The following NRXN3 variants were observed in gnomAD, a reference collection of about 807,000 sequenced individuals.
The protein encoded by NRXN3 is neurexin III.
Under a neutral mutation model 137.6 loss-of-function variants are expected in NRXN3, and 32 were observed. The observed-to-expected ratio is 0.23, with a 90% CI of 0.18 to 0.31. NRXN3 has a LOEUF of 0.31. Ranked by LOEUF, NRXN3 falls within the 10% of genes least tolerant of loss-of-function variation. NRXN3 has a pLI of 1.00. For synonymous variants in NRXN3, 798 were observed against 784.5 expected (o/e 1.02, Z -0.29); for missense variants, 1,574 against 2,062.5 (o/e 0.76, Z 4.59).
intron 20 of NRXN3, among the ~76,000 whole-genome samples, chr14:79,859,082 T>C (rs2099409055): frequency 6.6e-6 from 1 of 152,054 alleles, no homozygotes; most frequent in Non-Finnish European, 1.5e-5. Context: ...TTTCAAACTC[T>C]GAGCACCAGA....
At chr14:78,838,650 C>T (rs934130687) in intron 10 of NRXN3, among the ~76,000 whole-genome samples, 1 of 152,186 alleles carries the variant, frequency 6.6e-6, no homozygotes, top group Non-Finnish European at 1.5e-5. Context: ...GACAATCAAT[C>T]TCCATTAGGA....
chr14:79,346,918 C>A (rs928521373), intron 15 of NRXN3, among the ~76,000 whole-genome samples: 4 of 152,148 alleles, frequency 2.6e-5, no homozygotes, highest in Non-Finnish European at 5.9e-5. Flanking sequence ...TAAAATAGCA[C>A]CTCGTAGGCT....
At chr14:79,199,042 C>T (rs545187160) in intron 15 of NRXN3, among the ~76,000 whole-genome samples, 1 of 152,142 alleles carries the variant, frequency 6.6e-6, no homozygotes, top group Non-Finnish European at 1.5e-5. Flanking sequence ...TGACATGCGC[C>T]TGTAGTCCCA....
intron 15 of NRXN3, among the ~76,000 whole-genome samples, chr14:79,358,647 A>AAGAAAGAAAG (rs2093563304): frequency 6.6e-6 from 1 of 150,764 alleles, no homozygotes; most frequent in South Asian, 2.1e-4. Context: ...GAAAGAAAGA[A>AAGAAAGAAAG]AGAAAGAAAG....
At chr14:79,111,043 G>C (rs1368090627) in intron 15 of NRXN3, among the ~76,000 whole-genome samples, 3 of 152,052 alleles carry the variant, frequency 2.0e-5, no homozygotes, top group Non-Finnish European at 4.4e-5. Flanking sequence ...GCCCGCCTCG[G>C]CCTCCCAAAG....
intron 18 of NRXN3, among the ~76,000 whole-genome samples, chr14:79,692,555 C>T (rs2098720470): frequency 6.6e-6 from 1 of 151,962 alleles, no homozygotes; most frequent in Non-Finnish European, 1.5e-5. Context: ...GCAATTTAAC[C>T]ACTGCATGAC....
At chr14:78,400,728 C>T (rs967470815) in intron 4 of NRXN3, among the ~76,000 whole-genome samples, 1 of 152,162 alleles carries the variant, frequency 6.6e-6, no homozygotes, top group East Asian at 1.9e-4. Context: ...AATACACTCT[C>T]CACTGTGTTT....
At chr14:78,665,303 AG>A (rs2097874947) in intron 6 of NRXN3, among the ~76,000 whole-genome samples, 1 of 152,312 alleles carries the variant, frequency 6.6e-6, no homozygotes, top group African/African-American at 2.4e-5. Flanking sequence ...AGGAGGCCTC[AG>A]GAAACTTACC....
intron 15 of NRXN3, among the ~76,000 whole-genome samples, chr14:79,245,191 C>A (rs1262948836): frequency 3.3e-5 from 5 of 151,584 alleles, no homozygotes; most frequent in African/African-American, 1.2e-4. Flanking sequence ...ACCTAAGCAT[C>A]TTTCAATCTC....
At chr14:79,393,745 G>A (rs1222213508) in intron 15 of NRXN3, among the ~76,000 whole-genome samples, 4 of 152,174 alleles carry the variant, frequency 2.6e-5, no homozygotes, top group East Asian at 3.8e-4. Context: ...AACCCAGGAG[G>A]CAGAGCTTGC....
At chr14:79,407,087 C>T (rs1216566966) in intron 15 of NRXN3, among the ~76,000 whole-genome samples, 1 of 152,132 alleles carries the variant, frequency 6.6e-6, no homozygotes, top group Admixed American at 6.6e-5. Context: ...CTTGGGGTTT[C>T]ATAATTTCTG....
intron 4 of NRXN3, among the ~76,000 whole-genome samples, chr14:78,588,479 A>G (rs1186877454): frequency 6.6e-6 from 1 of 152,140 alleles, no homozygotes; most frequent in African/African-American, 2.4e-5. Flanking sequence ...TGGGCTCCTG[A>G]TGAAGTCTAG....
chr14:78,190,222 C>T (rs2060586891), intron 1 of NRXN3, among the ~76,000 whole-genome samples: 1 of 152,236 alleles, frequency 6.6e-6, no homozygotes. Flanking sequence ...GTCTCACCCT[C>T]CTATCCTCAG....
intron 10 of NRXN3, among the ~76,000 whole-genome samples, chr14:78,943,639 T>TCTCAAAG (rs2099359237): frequency 2.6e-5 from 1 of 38,898 alleles, no homozygotes; most frequent in Non-Finnish European, 4.2e-5. Context: ...TATATATATA[T>TCTCAAAG]ATATATATAT....
At chr14:79,630,865 C>T (rs1044318110) in intron 16 of NRXN3, among the ~76,000 whole-genome samples, 2 of 152,140 alleles carry the variant, frequency 1.3e-5, no homozygotes, top group African/African-American at 4.8e-5. Flanking sequence ...CTAATATACC[C>T]GTATATAGAT....
intron 4 of NRXN3, among the ~76,000 whole-genome samples, chr14:78,364,451 TA>T (rs1177888786): frequency 6.6e-6 from 1 of 152,204 alleles, no homozygotes; most frequent in Non-Finnish European, 1.5e-5. Flanking sequence ...TCCTAGGTGC[TA>T]AAACTTCCAC....
intron 14 of NRXN3, among the ~76,000 whole-genome samples, chr14:78,971,023 C>T (rs774504986): frequency 6.6e-6 from 1 of 152,094 alleles, no homozygotes; most frequent in Non-Finnish European, 1.5e-5. Context: ...GGATAATTAG[C>T]CTAAGTGGCC....
At chr14:79,041,641 G>C (rs75562983) in intron 15 of NRXN3, among the ~76,000 whole-genome samples, 432 of 152,224 alleles carry the variant, frequency 2.8e-3, no homozygotes, top group Non-Finnish European at 5.3e-3. Context: ...CTTCTTGAGA[G>C]TTTCAGTAAG....
chr14:79,257,391 G>GTGA (rs1568817432), intron 15 of NRXN3, among the ~76,000 whole-genome samples: 2 of 72,320 alleles, frequency 2.8e-5, no homozygotes, highest in Admixed American at 1.8e-4. Flanking sequence ...GGTGGTGATG[G>GTGA]TGGTGGTGGT....
Sources: gnomAD v4.1 joint callset for allele counts (sites outside exome capture counted in the v4.1 genomes callset) on GRCh38, gnomAD v4.1.1 for gene constraint, MANE v1.5 for transcripts, NCBI Gene and HGNC (gene_info 2026-07-23, HGNC 2026-07-21) for gene names.